Variants in CYB5R4 observed in about 807,000 individuals in gnomAD.
CYB5R4 encodes the protein N-terminal cytochrome b5 and cytochrome b5 oxidoreductase domain-containing protein.
A neutral mutation model predicts 70.2 loss-of-function variants in CYB5R4; 55 were observed. The ratio of observed to expected loss-of-function variants is 0.78; its 90% CI spans 0.63 to 0.98. The LOEUF is 0.98. Among genes scored for constraint, CYB5R4 ranks in the 50% least tolerant of loss-of-function variants. The pLI, the probability that CYB5R4 is intolerant of heterozygous loss-of-function variation, is 0.00. For synonymous variants in CYB5R4, 197 were observed against 199.5 expected, an observed-to-expected ratio of 0.99 and a Z score of 0.11; for missense variants, 562 against 612.6, an observed-to-expected ratio of 0.92 and a Z score of 0.87.
intron 14 of CYB5R4, among the ~76,000 whole-genome samples, chr6:83,953,405 G>A (rs925032914): frequency 3.3e-5 from 5 of 151,416 alleles, no homozygotes; most frequent in African/African-American, 1.2e-4. Context: ...CTAGTTTTGT[G>A]AGATTTTTTT....
At chr6:83,885,914 A>C (rs1463695438) in intron 2 of CYB5R4, among the ~76,000 whole-genome samples, 1 of 152,228 alleles carries the variant, frequency 6.6e-6, no homozygotes, top group Non-Finnish European at 1.5e-5. Flanking sequence ...CGAAAATATA[A>C]GTCCACACAA....
intron 2 of CYB5R4, among the ~76,000 whole-genome samples, chr6:83,886,673 T>A (rs536481384): frequency 1.3e-5 from 2 of 152,186 alleles, no homozygotes; most frequent in African/African-American, 4.8e-5. Context: ...ACTGTTAAAT[T>A]GTAATATCTG....
At chr6:83,948,119 C>A (rs1234688183) in intron 14 of CYB5R4, among the ~76,000 whole-genome samples, 1 of 152,118 alleles carries the variant, frequency 6.6e-6, no homozygotes, top group African/African-American at 2.4e-5. Flanking sequence ...TGGAACCAAC[C>A]TAAATGTCCA....
At chr6:83,898,929 C>G (rs567450927) in intron 3 of CYB5R4, among the ~76,000 whole-genome samples, 2 of 152,144 alleles carry the variant, frequency 1.3e-5, no homozygotes, top group African/African-American at 4.8e-5. Context: ...ATTTGACTTC[C>G]TCTTTTCCTA....
At chr6:83,859,947 G>T in intron 1 of CYB5R4, 90 bp downstream of exon 1, 1 of 1,233,174 alleles carries the variant, frequency 8.1e-7, no homozygotes, top group Non-Finnish European at 1.1e-6. Flanking sequence ...CCCAGCTCCT[G>T]CACCCCTCTC....
intron 12 of CYB5R4, 93 bp downstream of exon 12, chr6:83,936,469 C>CT: frequency 1.8e-6 from 2 of 1,134,016 alleles, no homozygotes. Flanking sequence ...TATCAGATAT[C>CT]TTTAACTCAA....
rs780073767 is a variant in CYB5R4, at chr6:83,859,754, C to T, written c.-29C>T. ...TGCTGTCCCGTCTGGCGGCGATCCC[C>T]GGGCAGGGCCCGGGGCCGGGGTTTG... On this transcript the variant is annotated 5_prime_UTR_variant, in exon 1 of 16. Coordinates refer to ENST00000369681, the MANE Select transcript of CYB5R4 (RefSeq NM_016230.4). 8 of 1,610,770 alleles carry T rather than the reference C, an allele frequency of 5.0e-6. 1 individual carries two copies. The South Asian group carries it at 8.8e-5, about 18-fold the overall frequency.
At position 83,864,302 on chromosome 6, in the gene CYB5R4, A is replaced by C; in HGVS notation, c.203A>C (p.Lys68Thr). Residue 68 changes from lysine (K) to threonine (T), a missense_variant, in exon 2 of 16, where the codon AAA (lysine) becomes ACA (threonine). Lys to Thr is a moderately conservative substitution (Grantham distance 78). Transcript: ENST00000369681. ...GAAGAACTTAAGAAACACAACAAAA[A>C]AGATGATTGTTGGATATGCATAAGA... Reference protein sequence around the residue: ...TEEELKKHNKKDDCWICIRGF... With the variant: ...TEEELKKHNKTDDCWICIRGF... The C allele has an allele frequency of 6.2e-7, 1 of 1,612,734 alleles. No individual in the cohort carries two copies. The highest frequency in any genetic ancestry group is 8.5e-7 in the Non-Finnish European group (1 of 1,179,434).
rs2099461450 is a variant in CYB5R4 at position 83,893,589 on chromosome 6, A to G, written c.297A>G (p.Ala99=). ...HPGGEDELMR[A]AGSDGTELFD... is the part of the protein sequence containing the mutation. ...GTGGAGAAGATGAACTAATGAGAGC[A>G]GCAGGATCAGATGGTACTGAACTTT... Residue 99 remains alanine, a synonymous_variant, in exon 3 of 16, where the codon GCA becomes GCG. Coordinates refer to ENST00000369681, the MANE Select transcript of CYB5R4 (RefSeq NM_016230.4). The G allele has an allele frequency of 6.2e-7, 1 of 1,613,152 alleles. No individual in the cohort carries two copies. Among genetic ancestry groups the G allele is most frequent in the Non-Finnish European group, 8.5e-7 (1 of 1,179,244 alleles).
chr6:83,905,114 G>A (rs1369544593), intron 3 of CYB5R4, among the ~76,000 whole-genome samples: 2 of 152,114 alleles, frequency 1.3e-5, no homozygotes, highest in Non-Finnish European at 2.9e-5. Flanking sequence ...GAGTGCAGCG[G>A]TGCAGCCTCA....
intron 2 of CYB5R4, among the ~76,000 whole-genome samples, chr6:83,889,634 A>C (rs1053278873): frequency 6.6e-6 from 1 of 152,210 alleles, no homozygotes; most frequent in Non-Finnish European, 1.5e-5. Flanking sequence ...ACTGTACGTC[A>C]TGCCTTCTCT....
intron 2 of CYB5R4, among the ~76,000 whole-genome samples, chr6:83,884,514 C>T (rs2099459954): frequency 6.6e-6 from 1 of 152,066 alleles, no homozygotes; most frequent in African/African-American, 2.4e-5. Flanking sequence ...ATTCAAAAGG[C>T]ATGAAGCTAA....
chr6:83,886,147 A>G (rs1297539617), intron 2 of CYB5R4, among the ~76,000 whole-genome samples: 2 of 152,198 alleles, frequency 1.3e-5, no homozygotes, highest in Admixed American at 1.3e-4. Context: ...GTCCCAATGC[A>G]GTATAGGGCA....
intron 14 of CYB5R4, among the ~76,000 whole-genome samples, chr6:83,944,732 T>C (rs1348701375): frequency 6.6e-6 from 1 of 150,990 alleles, no homozygotes; most frequent in Non-Finnish European, 1.5e-5. Context: ...AATAAAGAGA[T>C]GGAGGAAGAT....
Position 83,871,994 on chromosome 6 carries a change from CTTG to C in CYB5R4, c.229+7672_229+7674del, listed in dbSNP as rs1294736910. ...TGTTACATTGTTTGTTGTTTCATTA[CTTG>C]TTGTTTTCTATTTTGTTACTTTTAT... On this transcript the variant is annotated intron_variant, in intron 2 of 15. Transcript: ENST00000369681. 2.6e-5 allele frequency among the ~76,000 whole-genome samples: 4 copies of C among 151,918 alleles called. No individual in the cohort carries two copies. In the South Asian group the frequency reaches 6.2e-4, roughly 24 times the overall value.
At chr6:83,862,823 C>G (rs1203551979) in intron 1 of CYB5R4, among the ~76,000 whole-genome samples, 1 of 152,148 alleles carries the variant, frequency 6.6e-6, no homozygotes, top group Non-Finnish European at 1.5e-5. Flanking sequence ...GTCATTTTCT[C>G]ACACTTCATT....
At chr6:83,918,160 G>A in intron 6 of CYB5R4, 95 bp downstream of exon 6, 1 of 863,644 alleles carries the variant, frequency 1.2e-6, no homozygotes, top group South Asian at 1.5e-5. Flanking sequence ...TTGATTTATT[G>A]CTTACTGTTA....
intron 10 of CYB5R4, chr6:83,926,448 C>T (rs1402609902): frequency 1.3e-5 from 2 of 151,756 alleles, no homozygotes; most frequent in Non-Finnish European, 2.9e-5. Context: ...GAGTCGGTCT[C>T]TTCTGAGACT....
At chr6:83,869,541 C>G (rs2099457254) in intron 2 of CYB5R4, among the ~76,000 whole-genome samples, 1 of 152,130 alleles carries the variant, frequency 6.6e-6, no homozygotes, top group Non-Finnish European at 1.5e-5. Context: ...AAAAAAGTGT[C>G]TTTTTGACCA....
Sources: allele counts gnomAD v4.1 joint callset (sites outside exome capture counted in the v4.1 genomes callset), GRCh38; gene constraint gnomAD v4.1.1; transcripts MANE v1.5; gene names NCBI Gene and HGNC (gene_info 2026-07-23, HGNC 2026-07-21).